The following CCDC122 variants were observed in gnomAD, a reference collection of about 807,000 sequenced individuals.
The protein encoded by CCDC122 is coiled-coil domain-containing protein 122.
In CCDC122, 38 loss-of-function variants were observed where a neutral mutation model predicts 37.0. The observed-to-expected ratio is 1.03, with a 90% CI of 0.79 to 1.35. CCDC122 has a LOEUF of 1.35. Ranked by LOEUF, CCDC122 falls within the 40% of genes most tolerant of loss-of-function variation. The pLI is 0.00. For synonymous variants in CCDC122, 83 were observed against 95.6 expected (o/e 0.87, Z 0.77); for missense variants, 305 against 310.0 (o/e 0.98, Z 0.12).
chr13:43,826,060 G>C (rs182939929), intron 3 of CCDC122, among the ~76,000 whole-genome samples: 1 of 152,098 alleles, frequency 6.6e-6, no homozygotes, highest in Admixed American at 6.6e-5. Flanking sequence ...TTTAAAAAAC[G>C]CAAGTAGAAT....
intron 4 of CCDC122, among the ~76,000 whole-genome samples, chr13:43,862,927 T>A (rs1034401149): frequency 3.9e-5 from 6 of 152,178 alleles, no homozygotes; most frequent in Non-Finnish European, 7.4e-5. Context: ...GTTATTTTTT[T>A]CTTCTCCCTC....
intron 6 of CCDC122, among the ~76,000 whole-genome samples, chr13:43,848,236 T>C (rs1262732059): frequency 6.6e-6 from 1 of 152,204 alleles, no homozygotes; most frequent in Non-Finnish European, 1.5e-5. Context: ...GTGTACACAA[T>C]TTTCCCATAT....
Position 43,846,397 on chromosome 13 carries a change from C to T in CCDC122, c.673-8968G>A, listed in dbSNP as rs185073079. 1.3e-3 allele frequency among the ~76,000 whole-genome samples: 197 copies of T among 152,184 alleles called. 2 individuals are homozygous for T. The highest frequency in any genetic ancestry group is 1.2e-3 in the Non-Finnish European group (81 of 68,006). ...CCAATATATTTCTTTTTCCTCACATCGAGTAATGTTTTATTACTAACCATT... is the reference window on the plus strand; with the variant it reads ...CCAATATATTTCTTTTTCCTCACATTGAGTAATGTTTTATTACTAACCATT... On this transcript the variant is annotated intron_variant, in intron 6 of 6. Coordinates refer to ENST00000444614, the MANE Select transcript of CCDC122 (RefSeq NM_144974.5).
intron 2 of CCDC122, among the ~76,000 whole-genome samples, chr13:43,871,490 C>T (rs1356439110): frequency 6.6e-6 from 1 of 152,098 alleles, no homozygotes; most frequent in Non-Finnish European, 1.5e-5. Context: ...TTAAATTCTA[C>T]ATCCCTATTA....
At chr13:43,847,924 A>AC (rs533598811) in intron 6 of CCDC122, among the ~76,000 whole-genome samples, 112 of 152,180 alleles carry the variant, frequency 7.4e-4, no homozygotes, top group Middle Eastern at 3.4e-3. Context: ...ACAGGCACAC[A>AC]CCACCATGCA....
chr13:43,841,101 C>T (rs926018822), intron 6 of CCDC122, among the ~76,000 whole-genome samples: 9 of 152,158 alleles, frequency 5.9e-5, no homozygotes, highest in Non-Finnish European at 8.8e-5. Context: ...TGCAGTGCAC[C>T]CATCACAATT....
intron 2 of CCDC122, among the ~76,000 whole-genome samples, chr13:43,872,380 A>G (rs780366470): frequency 2.0e-5 from 3 of 152,096 alleles, no homozygotes; most frequent in Admixed American, 1.3e-4. Context: ...AAGACATGCA[A>G]CTATGCTGTT....
intron 6 of CCDC122, among the ~76,000 whole-genome samples, chr13:43,857,025 T>C (rs964987856): frequency 2.6e-5 from 4 of 152,252 alleles, no homozygotes; most frequent in South Asian, 2.1e-4. Flanking sequence ...ACAAGAATAC[T>C]GTATTAAAAT....
chr13:43,868,006 C>T (rs1363002022), intron 4 of CCDC122, among the ~76,000 whole-genome samples: 4 of 151,810 alleles, frequency 2.6e-5, no homozygotes, highest in African/African-American at 7.3e-5. Context: ...CTTATGGGCA[C>T]GTCCTATTGT....
At chr13:43,863,160 A>G (rs1954166130) in intron 4 of CCDC122, among the ~76,000 whole-genome samples, 1 of 152,074 alleles carries the variant, frequency 6.6e-6, no homozygotes, top group African/African-American at 2.4e-5. Context: ...TTCTCCTGAT[A>G]CTCTGTAAAT....
intron 2 of CCDC122, among the ~76,000 whole-genome samples, chr13:43,870,636 T>A (rs950907227): frequency 6.6e-6 from 1 of 152,142 alleles, no homozygotes; most frequent in South Asian, 2.1e-4. Flanking sequence ...CTGTGCCAGA[T>A]GGTGTTCTAA....
intron 4 of CCDC122, among the ~76,000 whole-genome samples, chr13:43,866,287 C>A (rs1002472778): frequency 6.6e-6 from 1 of 152,176 alleles, no homozygotes; most frequent in African/African-American, 2.4e-5. Flanking sequence ...AGTGTCAGAA[C>A]TGAATCAAAT....
chr13:43,839,372 C>T (rs1459319393), intron 6 of CCDC122, among the ~76,000 whole-genome samples: 1 of 152,166 alleles, frequency 6.6e-6, no homozygotes, highest in Non-Finnish European at 1.5e-5. Flanking sequence ...TGGCTTCTTT[C>T]ACTTAGCATA....
chr13:43,822,817 C>T (rs1953004626), downstream of CCDC122, among the ~76,000 whole-genome samples: 1 of 152,112 alleles, frequency 6.6e-6, no homozygotes, highest in Non-Finnish European at 1.5e-5. Flanking sequence ...GCTTCCAGGC[C>T]TGAGACTCAC....
chr13:43,874,708 T>C (rs981076013), intron 2 of CCDC122, 134 bp downstream of exon 2: 4 of 152,238 alleles, frequency 2.6e-5, no homozygotes, highest in African/African-American at 9.6e-5. Flanking sequence ...CTACCGATAA[T>C]TCATTAGAAT....
intron 6 of CCDC122, among the ~76,000 whole-genome samples, chr13:43,847,655 G>A (rs1187674390): frequency 6.6e-6 from 1 of 152,114 alleles, no homozygotes; most frequent in Non-Finnish European, 1.5e-5. Context: ...AATAACATTG[G>A]ACATTTCTTC....
chr13:43,863,428 G>A (rs1191999949), intron 4 of CCDC122, among the ~76,000 whole-genome samples: 1 of 152,032 alleles, frequency 6.6e-6, no homozygotes, highest in African/African-American at 2.4e-5. Flanking sequence ...CTAACTGATG[G>A]GCATTTGGGT....
At chr13:43,838,815 G>A (rs1019128727) in intron 6 of CCDC122, among the ~76,000 whole-genome samples, 2 of 152,186 alleles carry the variant, frequency 1.3e-5, no homozygotes, top group Admixed American at 1.3e-4. Flanking sequence ...TACATGTGCC[G>A]GGTGGAGCAC....
chr13:43,846,288 G>A (rs1021373520), intron 6 of CCDC122, among the ~76,000 whole-genome samples: 14 of 152,060 alleles, frequency 9.2e-5, no homozygotes, highest in African/African-American at 3.4e-4. Context: ...TGGCCAGGCT[G>A]GTCTCAAACT....
Sources: allele counts gnomAD v4.1 joint callset (sites outside exome capture counted in the v4.1 genomes callset), GRCh38; gene constraint gnomAD v4.1.1; transcripts MANE v1.5; gene names NCBI Gene and HGNC (gene_info 2026-07-23, HGNC 2026-07-21).